The following SH3KBP1 variants were observed in gnomAD, a reference collection of about 807,000 sequenced individuals.
SH3KBP1 encodes the protein SH3 domain-containing kinase-binding protein 1.
SH3KBP1 carries 8 observed loss-of-function variants against 50.1 expected under a neutral mutation model. The observed-to-expected ratio is 0.16, with a 90% CI of 0.09 to 0.29. SH3KBP1 has a LOEUF of 0.29. SH3KBP1 is among the 10% of genes least tolerant of loss of function. SH3KBP1 has a pLI of 1.00. For synonymous variants in SH3KBP1, 227 were observed against 218.6 expected, an observed-to-expected ratio of 1.04 and a Z score of -0.34; for missense variants, 377 against 535.2, an observed-to-expected ratio of 0.70 and a Z score of 2.92.
chrX:19,584,867 T>G (rs1413946558), intron 12 of SH3KBP1, among the ~76,000 whole-genome samples: 1 of 111,851 alleles, frequency 8.9e-6, no homozygotes, highest in East Asian at 2.8e-4. Flanking sequence ...CTGCTTACAG[T>G]GACTACATGT....
At chrX:19,756,873 A>T (rs1323388890) in intron 2 of SH3KBP1, among the ~76,000 whole-genome samples, 1 of 67,910 alleles carries the variant, frequency 1.5e-5, no homozygotes, top group Non-Finnish European at 2.9e-5. Flanking sequence ...TTGCTAGGTT[A>T]AAAAAAAAAA....
chrX:19,737,056 G>A (rs903375157), intron 3 of SH3KBP1, among the ~76,000 whole-genome samples: 4 of 109,813 alleles, frequency 3.6e-5, no homozygotes, highest in Non-Finnish European at 7.6e-5. Flanking sequence ...ACATGCACAC[G>A]CTGCCATGCC....
chrX:19,741,800 C>G (rs2064777655), intron 3 of SH3KBP1, among the ~76,000 whole-genome samples: 1 of 111,969 alleles, frequency 8.9e-6, no homozygotes, highest in Non-Finnish European at 1.9e-5. Context: ...TGCCCCATCA[C>G]CAAGCACAAG....
At chrX:19,807,795 C>T (rs780915627) in intron 2 of SH3KBP1, among the ~76,000 whole-genome samples, 15 of 112,163 alleles carry the variant, frequency 1.3e-4, no homozygotes, top group Non-Finnish European at 2.3e-4. Context: ...GCAGCTATAT[C>T]GCATTTGCAT....
chrX:19,534,714 T>C lies in SH3KBP1; in HGVS notation c.*1703A>G, dbSNP rs1398773433. On this transcript the variant is annotated 3_prime_UTR_variant, in exon 18 of 18. Coordinates refer to ENST00000397821, the MANE Select transcript of SH3KBP1 (RefSeq NM_031892.3). ...ATGGAGGGTATGAGGTTTCCTTCCTTATACACTCCCTTCCCTTAATTATGC... is the reference window on the plus strand; with the variant it reads ...ATGGAGGGTATGAGGTTTCCTTCCTCATACACTCCCTTCCCTTAATTATGC... 2.7e-5 allele frequency: 8 copies of C among 291,750 alleles called. No individual in the cohort carries two copies. The highest frequency in any genetic ancestry group is 4.8e-5 in the Non-Finnish European group (8 of 168,194). 24.0% of individuals were successfully genotyped at this position (291,750 alleles called of 1,213,427 possible).
At chrX:19,824,443 A>T (rs917607876) in intron 2 of SH3KBP1, among the ~76,000 whole-genome samples, 3 of 111,329 alleles carry the variant, frequency 2.7e-5, no homozygotes, top group Non-Finnish European at 5.7e-5. Context: ...GAACTTTTTA[A>T]AAGATTCTAA....
At chrX:19,737,950 C>A (rs779452271) in intron 3 of SH3KBP1, among the ~76,000 whole-genome samples, 20 of 112,343 alleles carry the variant, frequency 1.8e-4, no homozygotes, top group African/African-American at 6.5e-4. Flanking sequence ...GCTTAAGAAG[C>A]CTCGCCAGTC....
intron 3 of SH3KBP1, among the ~76,000 whole-genome samples, chrX:19,722,965 T>C (rs1271051728): frequency 1.8e-5 from 2 of 108,944 alleles, no homozygotes; most frequent in Middle Eastern, 4.3e-3. Context: ...CAAAACCCCA[T>C]CTCCACAAAA....
intron 14 of SH3KBP1, among the ~76,000 whole-genome samples, chrX:19,548,101 C>T (rs2147619599): frequency 8.9e-6 from 1 of 112,447 alleles, no homozygotes; most frequent in Admixed American, 9.4e-5. Context: ...TGGCACAGTG[C>T]CGAGCCCATA....
chrX:19,627,004 G>T (rs948418024), intron 8 of SH3KBP1, among the ~76,000 whole-genome samples: 3 of 111,853 alleles, frequency 2.7e-5, no homozygotes, highest in African/African-American at 9.8e-5. Context: ...CTTTCTAAGC[G>T]TTCATCTTGA....
chrX:19,862,996 C>T (rs1229766166), intron 1 of SH3KBP1, among the ~76,000 whole-genome samples: 2 of 111,972 alleles, frequency 1.8e-5, no homozygotes, highest in African/African-American at 6.5e-5. Flanking sequence ...GAAATAACAG[C>T]AGTCTGCCCC....
chrX:19,562,989 T>G (rs1312072568), intron 13 of SH3KBP1, among the ~76,000 whole-genome samples: 2 of 112,066 alleles, frequency 1.8e-5, no homozygotes, highest in Non-Finnish European at 3.8e-5. Flanking sequence ...AATCTCCCCC[T>G]GTTTCTATAG....
chrX:19,670,920 C>G, intron 6 of SH3KBP1: 1 of 1,159,601 alleles, frequency 8.6e-7, no homozygotes, highest in Non-Finnish European at 1.1e-6. Flanking sequence ...CCCAGAACTC[C>G]CCTGGAATCC....
chrX:19,710,352 C>T (rs758368686), intron 3 of SH3KBP1, among the ~76,000 whole-genome samples: 29 of 111,538 alleles, frequency 2.6e-4, no homozygotes, highest in East Asian at 8.5e-4. Flanking sequence ...TGTGACTCCA[C>T]GATCCAGGAT....
At chrX:19,704,010 C>T (rs927898941) in intron 4 of SH3KBP1, among the ~76,000 whole-genome samples, 1 of 110,517 alleles carries the variant, frequency 9.0e-6, no homozygotes, top group Non-Finnish European at 1.9e-5. Flanking sequence ...GAGAAAAGGA[C>T]AGATTTTATA....
At chrX:19,757,842 A>T (rs1365386481) in intron 2 of SH3KBP1, among the ~76,000 whole-genome samples, 1 of 111,129 alleles carries the variant, frequency 9.0e-6, no homozygotes, top group Non-Finnish European at 1.9e-5. Flanking sequence ...CCCCAATAAG[A>T]GTTTAGCTAT....
chrX:19,660,862 T>C (rs999586149), intron 6 of SH3KBP1, among the ~76,000 whole-genome samples: 2 of 112,258 alleles, frequency 1.8e-5, no homozygotes, highest in African/African-American at 6.5e-5. Flanking sequence ...AAATCCTAAA[T>C]TGCCAGGCCA....
intron 12 of SH3KBP1, among the ~76,000 whole-genome samples, chrX:19,571,346 C>G (rs1263268207): frequency 8.9e-6 from 1 of 111,828 alleles, no homozygotes; most frequent in Non-Finnish European, 1.9e-5. Context: ...AGGCTGTGGG[C>G]TCCCCTAGGC....
intron 1 of SH3KBP1, among the ~76,000 whole-genome samples, chrX:19,843,087 C>T (rs183123130): frequency 2.2e-5 from 2 of 92,181 alleles, no homozygotes; most frequent in African/African-American, 8.4e-5. Flanking sequence ...GGCGTGATCT[C>T]GGCTCACTGC....
Sources: gnomAD v4.1 joint callset for allele counts (sites outside exome capture counted in the v4.1 genomes callset) on GRCh38, gnomAD v4.1.1 for gene constraint, MANE v1.5 for transcripts, NCBI Gene and HGNC (gene_info 2026-07-23, HGNC 2026-07-21) for gene names.